Variants in HERC2 observed in about 807,000 individuals in gnomAD.
The protein encoded by HERC2 is HECT and RLD domain containing E3 ubiquitin protein ligase 2, also known as E3 ubiquitin-protein ligase HERC2.
In HERC2, 102 loss-of-function variants were observed where a neutral mutation model predicts 537.7. That is an observed-to-expected ratio of 0.19 (90% CI 0.16 to 0.22). The LOEUF (loss-of-function observed/expected upper bound fraction) is 0.22, where lower values mean the gene tolerates loss of function less well. Ranked by LOEUF, HERC2 falls within the 10% of genes least tolerant of loss-of-function variation. The pLI is 1.00. For synonymous variants in HERC2, 2,224 were observed against 2,466.2 expected (o/e 0.90, Z 2.91); for missense variants, 4,236 against 6,198.2 (o/e 0.68, Z 10.63).
rs2075252442 is a variant in HERC2, at chr15:28,256,111, G to C, written c.2724C>G (p.Leu908=). The C allele has an allele frequency of 1.2e-6, 2 of 1,602,752 alleles. No homozygotes were observed. The highest frequency in any genetic ancestry group is 1.7e-5 in the Admixed American group (1 of 59,942). The change falls in exon 18 of 93, where the codon CTC becomes CTG. Residue 908 remains leucine (L), a synonymous_variant. Transcript: ENST00000261609. ...LPTAEERARA[L]SALLPCAVSG... ...CACCTGCGCAGGGCAGGAGAGCAGA[G>C]AGTGCCCGGGCCCGCTCCTCCGCGG...
intron 35 of HERC2, among the ~76,000 whole-genome samples, chr15:28,222,876 C>T (rs1389098152): frequency 6.6e-6 from 1 of 152,172 alleles, no homozygotes; most frequent in Non-Finnish European, 1.5e-5. Context: ...TCCAGCTTCC[C>T]GGCAGACAGC....
chr15:28,217,275 C>T (rs564903094), intron 38 of HERC2, among the ~76,000 whole-genome samples: 2 of 152,158 alleles, frequency 1.3e-5, no homozygotes, highest in South Asian at 2.1e-4. Flanking sequence ...AATGCACTGA[C>T]GCTTTCACTC....
chr15:28,182,558 A>C, intron 56 of HERC2, 46 bp from the exon 57 acceptor site: 1 of 1,352,496 alleles, frequency 7.4e-7, no homozygotes. Context: ...GAGGTTATTC[A>C]GCATAAAACA....
intron 4 of HERC2, among the ~76,000 whole-genome samples, 178 bp from the exon 5 acceptor site, chr15:28,280,465 G>A (rs1440262142): frequency 6.6e-6 from 1 of 152,160 alleles, no homozygotes; most frequent in Non-Finnish European, 1.5e-5. Flanking sequence ...GCACTGTCAA[G>A]CAGTGCTGTC....
At chr15:28,228,128 T>TAA in intron 35 of HERC2, 90 bp downstream of exon 35, 6 of 1,122,604 alleles carry the variant, frequency 5.3e-6, no homozygotes, top group East Asian at 2.6e-5. Flanking sequence ...ACAAAAAGCT[T>TAA]TAAAAAAAAA....
At chr15:28,191,356 A>G in intron 53 of HERC2, 112 bp from the exon 54 acceptor site, 1 of 675,726 alleles carries the variant, frequency 1.5e-6, no homozygotes, top group Non-Finnish European at 2.5e-6. Context: ...TCAATATAAA[A>G]TGTAGCATGA....
chr15:28,187,294 G>A (rs945821766), intron 55 of HERC2, among the ~76,000 whole-genome samples: 1 of 151,736 alleles, frequency 6.6e-6, no homozygotes, highest in Non-Finnish European at 1.5e-5. Flanking sequence ...CAAAACTTCA[G>A]TATATATCAC....
At chr15:28,294,133 C>A (rs1020161025) in intron 3 of HERC2, among the ~76,000 whole-genome samples, 1 of 152,212 alleles carries the variant, frequency 6.6e-6, no homozygotes, top group African/African-American at 2.4e-5. Flanking sequence ...CCAAGTAATT[C>A]TCCAGTTCTC....
At chr15:28,112,144 A>G in intron 92 of HERC2, 109 bp from the exon 93 acceptor site, 2 of 983,264 alleles carry the variant, frequency 2.0e-6, no homozygotes, top group Non-Finnish European at 3.0e-6. Context: ...TGCTAAGAAC[A>G]AAACAGCAGA....
In HERC2 at chr15:28,177,775, T is replaced by C. The variant is rs1338408394; in HGVS notation, c.9164-266A>G. Among the ~76,000 whole-genome samples the C allele has an allele frequency of 6.6e-6, 1 of 152,150 alleles. No homozygotes were observed. Among genetic ancestry groups the C allele is most frequent in the East Asian group, 1.9e-4 (1 of 5,200 alleles). On this transcript the variant is annotated intron_variant, in intron 59 of 92. Coordinates refer to ENST00000261609, the MANE Select transcript of HERC2 (RefSeq NM_004667.6). This position sits in a 1 kb window ranked among gnomAD's most constrained non-coding sequence, Gnocchi z 5.0. ...AAAATAATACTGATTATTAATGGGG[T>C]TCCTATTATGTTAAATACACGAAAA...
chr15:28,142,563 G>A (rs935846954), intron 75 of HERC2, 170 bp from the exon 76 acceptor site: 29 of 719,874 alleles, frequency 4.0e-5, no homozygotes, highest in South Asian at 9.5e-5. Flanking sequence ...TCCTAGCCAC[G>A]TGCCACACAA....
At chr15:28,300,185 G>A (rs1252036977) in intron 2 of HERC2, among the ~76,000 whole-genome samples, 1 of 151,874 alleles carries the variant, frequency 6.6e-6, no homozygotes, top group Non-Finnish European at 1.5e-5. Context: ...AGGGGACATG[G>A]ACAAAGGCAG....
chr15:28,163,434 A>C, intron 68 of HERC2, 149 bp from the exon 69 acceptor site: 18 of 656,236 alleles, frequency 2.7e-5, no homozygotes, highest in Admixed American at 3.2e-5. Flanking sequence ...CAGATTAAGA[A>C]ACGACGGCCC....
intron 24 of HERC2, 41 bp downstream of exon 24, chr15:28,238,561 G>C: frequency 6.6e-7 from 1 of 1,518,736 alleles, no homozygotes; most frequent in Non-Finnish European, 9.1e-7. Flanking sequence ...AAATGATATA[G>C]GTTGTAACTT....
rs375761052 is a variant in HERC2, at chr15:28,114,661, T to C, written c.13864A>G (p.Ile4622Val). 6.2e-7 allele frequency: 1 copy of C among 1,613,926 alleles called. No homozygotes were observed. The highest frequency in any genetic ancestry group is 1.3e-5 in the African/African-American group (1 of 74,888). ...TACTCCGCGCGGTTGTCCAGGGTGA[T>C]GTGTGTGTGCTTGGAGCTCAACTGA... is the stretch of plus-strand genomic sequence containing the variant. ...DIQLSSKHTH[I>V]TLDNRAEYVR... is the part of the protein sequence containing the mutation. The change falls in exon 90 of 93, where the codon ATC becomes GTC. Residue 4622 changes from isoleucine to valine, a missense_variant. Coordinates refer to ENST00000261609, the MANE Select transcript of HERC2 (RefSeq NM_004667.6).
At chr15:28,310,631 C>T (rs1369834352) in intron 2 of HERC2, among the ~76,000 whole-genome samples, 2 of 152,136 alleles carry the variant, frequency 1.3e-5, no homozygotes, top group African/African-American at 4.8e-5. Context: ...TACCACAATG[C>T]ACATGATAAG....
intron 2 of HERC2, among the ~76,000 whole-genome samples, chr15:28,317,256 C>A (rs1298901283): frequency 6.6e-6 from 1 of 152,108 alleles, no homozygotes; most frequent in Non-Finnish European, 1.5e-5. Context: ...ACGCCTGACT[C>A]TTTTGTATTT....
chr15:28,226,882 AAG>A (rs2140558930), intron 35 of HERC2, among the ~76,000 whole-genome samples: 1 of 152,370 alleles, frequency 6.6e-6, no homozygotes, highest in Non-Finnish European at 1.5e-5. Context: ...GAAATTTTTA[AAG>A]AGTCTGAGGA....
In HERC2 at chr15:28,246,763, T is replaced by C. The variant is rs768295606; in HGVS notation, c.3370A>G (p.Ile1124Val). The C allele has an allele frequency of 6.3e-6, 10 of 1,599,562 alleles. No homozygotes were observed. Among genetic ancestry groups the C allele is most frequent in the East Asian group, 4.5e-5 (2 of 44,430 alleles). The change falls in exon 22 of 93, where the codon ATT becomes GTT. Residue 1124 changes from isoleucine to valine, a missense_variant. Physicochemically the swap from Ile to Val is conservative, Grantham distance 29 (BLOSUM62 3). Coordinates refer to ENST00000261609, the MANE Select transcript of HERC2 (RefSeq NM_004667.6). Reference sequence around the variant, plus strand: ...GTACCAGTAAAGTCCCCTTCCACAATGTAAGCCACCTCCGCGAAGTGCCGC... The same window carrying C: ...GTACCAGTAAAGTCCCCTTCCACAACGTAAGCCACCTCCGCGAAGTGCCGC... ...SWRHFAEVAY[I>V]VEGDFTGVLL...
Sources: allele counts gnomAD v4.1 joint callset (sites outside exome capture counted in the v4.1 genomes callset), GRCh38; gene constraint gnomAD v4.1.1; non-coding constraint Gnocchi (gnomAD v3.1); transcripts MANE v1.5; gene names NCBI Gene and HGNC (gene_info 2026-07-23, HGNC 2026-07-21).